The following COL23A1 variants were observed in gnomAD, a reference collection of about 807,000 sequenced individuals.
The protein encoded by COL23A1 is collagen alpha-1(XXIII) chain.
In COL23A1, 97 loss-of-function variants were observed where a neutral mutation model predicts 99.3. The ratio of observed to expected loss-of-function variants is 0.98; its 90% CI spans 0.83 to 1.16. The LOEUF (loss-of-function observed/expected upper bound fraction) is 1.16. Among genes scored for constraint, COL23A1 ranks in the 50% most tolerant of loss-of-function variants. The pLI, the probability that COL23A1 is intolerant of heterozygous loss-of-function variation, is 0.00. For synonymous variants in COL23A1, 320 were observed against 308.2 expected (o/e 1.04, Z -0.40); for missense variants, 762 against 757.4 (o/e 1.01, Z -0.07).
In COL23A1 at chr5:178,535,694, C is replaced by T. The variant is rs142441144; in HGVS notation, c.361+24988G>A. On this transcript the variant is annotated intron_variant, in intron 2 of 28. Coordinates refer to ENST00000390654, the MANE Select transcript of COL23A1 (RefSeq NM_173465.4). ...TGACTCCAGGAGCTGGAGGCAGACCCATCACCCTGCATCCTGTCTGAAGGG... is the reference window on the plus strand; with the variant it reads ...TGACTCCAGGAGCTGGAGGCAGACCTATCACCCTGCATCCTGTCTGAAGGG... Among the ~76,000 whole-genome samples the T allele has an allele frequency of 2.6e-5, 4 of 152,378 alleles. No homozygotes were observed. In the East Asian group the frequency reaches 5.8e-4, roughly 22 times the overall value.
At position 178,544,800 on chromosome 5, in the gene COL23A1, G is replaced by A. The variant is rs1183144726; in HGVS notation, c.361+15882C>T. Reference sequence around the variant, plus strand: ...TTCGGGCCAGACGTGGTGGCTCATAGCTGTAACCCCAGCACTTTGGGAGGC... The same window carrying A: ...TTCGGGCCAGACGTGGTGGCTCATAACTGTAACCCCAGCACTTTGGGAGGC... On this transcript the variant is annotated intron_variant, in intron 2 of 28. Transcript: ENST00000390654. This position sits in a 1 kb window ranked among gnomAD's most constrained non-coding sequence, Gnocchi z 4.4. Among the ~76,000 whole-genome samples the A allele has an allele frequency of 1.3e-5, 2 of 152,206 alleles. No individual in the cohort carries two copies. Among genetic ancestry groups the A allele is most frequent in the Non-Finnish European group, 2.9e-5 (2 of 68,034 alleles).
intron 1 of COL23A1, among the ~76,000 whole-genome samples, chr5:178,576,647 G>C (rs999134256): frequency 2.0e-5 from 3 of 152,178 alleles, no homozygotes; most frequent in African/African-American, 7.2e-5. Context: ...ACAGGCGCGG[G>C]GTCGTGGAGG....
intron 2 of COL23A1, among the ~76,000 whole-genome samples, chr5:178,328,541 C>A (rs980697558): frequency 1.3e-5 from 2 of 152,298 alleles, no homozygotes; most frequent in Admixed American, 1.3e-4. Flanking sequence ...TGAAATGGGT[C>A]TATTCATGGC....
At chr5:178,337,626 G>A (rs1045508349) in intron 2 of COL23A1, among the ~76,000 whole-genome samples, 10 of 152,092 alleles carry the variant, frequency 6.6e-5, no homozygotes, top group South Asian at 4.2e-4. Context: ...TGGGGGAGGC[G>A]CTGTAGAGGG....
chr5:178,391,289 G>A (rs768510898), intron 2 of COL23A1, among the ~76,000 whole-genome samples: 2 of 152,202 alleles, frequency 1.3e-5, no homozygotes, highest in Non-Finnish European at 2.9e-5. Flanking sequence ...AAGATACCGT[G>A]AAGAAAAGGA....
intron 2 of COL23A1, among the ~76,000 whole-genome samples, chr5:178,530,089 G>A (rs1173639444): frequency 6.6e-6 from 1 of 152,194 alleles, no homozygotes; most frequent in East Asian, 1.9e-4. Context: ...TGAAGGAATA[G>A]GAACACTGAA....
intron 2 of COL23A1, among the ~76,000 whole-genome samples, chr5:178,497,620 C>T (rs935420975): frequency 6.6e-6 from 1 of 152,094 alleles, no homozygotes; most frequent in African/African-American, 2.4e-5. Context: ...TTTACAGAAA[C>T]ATGTAATCAC....
chr5:178,271,998 G>C (rs1756315833), intron 5 of COL23A1, among the ~76,000 whole-genome samples: 1 of 152,212 alleles, frequency 6.6e-6, no homozygotes, highest in African/African-American at 2.4e-5. Flanking sequence ...CGCTGGCTGA[G>C]GACGGACTCC....
At chr5:178,498,876 G>A (rs904932243) in intron 2 of COL23A1, among the ~76,000 whole-genome samples, 5 of 151,880 alleles carry the variant, frequency 3.3e-5, no homozygotes, top group Admixed American at 2.6e-4. Flanking sequence ...GATCACCTGA[G>A]GTCAGGAGTT....
chr5:178,364,250 C>T (rs1168994416), intron 2 of COL23A1, among the ~76,000 whole-genome samples: 2 of 152,210 alleles, frequency 1.3e-5, no homozygotes, highest in South Asian at 2.1e-4. Flanking sequence ...GAGAAGAAAG[C>T]TCCACACATG....
At chr5:178,359,554 C>CA (rs1278219597) in intron 2 of COL23A1, among the ~76,000 whole-genome samples, 1 of 152,192 alleles carries the variant, frequency 6.6e-6, no homozygotes, top group African/African-American at 2.4e-5. Flanking sequence ...AAGGGACTGT[C>CA]ATGGCCCCTG....
chr5:178,283,723 A>G (rs1016138589), intron 5 of COL23A1, among the ~76,000 whole-genome samples: 1 of 152,222 alleles, frequency 6.6e-6, no homozygotes, highest in South Asian at 2.1e-4. Flanking sequence ...GAGAAAGTCT[A>G]ATGTTTTCTG....
Position 178,570,716 on chromosome 5 carries a change from T to C in COL23A1, c.295-9968A>G, listed in dbSNP as rs142010579. On this transcript the variant is annotated intron_variant, in intron 1 of 28. Transcript: ENST00000390654. ...TCTTTGAGACAGGCAACAACTGCTC[T>C]AGCTTCCCACCTGGGGAGTGGCCAG... Among the ~76,000 whole-genome samples the C allele has an allele frequency of 1.4e-3, 220 of 152,274 alleles. 1 individual carries two copies. The highest frequency in any genetic ancestry group is 4.8e-3 in the African/African-American group (200 of 41,582).
chr5:178,503,011 C>T (rs1396369916), intron 2 of COL23A1, among the ~76,000 whole-genome samples: 3 of 152,156 alleles, frequency 2.0e-5, no homozygotes, highest in South Asian at 2.1e-4. Flanking sequence ...CAGTCAGGAA[C>T]GTTAGAAAAA....
intron 2 of COL23A1, among the ~76,000 whole-genome samples, chr5:178,331,467 G>C (rs1242616557): frequency 6.6e-6 from 1 of 152,196 alleles, no homozygotes; most frequent in Non-Finnish European, 1.5e-5. Flanking sequence ...TTGTCTTCTG[G>C]ATTGTTGTGA....
chr5:178,538,489 C>G (rs1044530542), intron 2 of COL23A1, among the ~76,000 whole-genome samples: 113 of 152,204 alleles, frequency 7.4e-4, no homozygotes, highest in Non-Finnish European at 7.9e-4. Flanking sequence ...AAAGTTTCCA[C>G]ACATTCTCCA....
chr5:178,339,783 C>T (rs1046697106), intron 2 of COL23A1, among the ~76,000 whole-genome samples: 1 of 152,174 alleles, frequency 6.6e-6, no homozygotes, highest in Non-Finnish European at 1.5e-5. Flanking sequence ...TTCTTGAACT[C>T]AAGGGCTTCT....
At chr5:178,558,442 G>A (rs1762394197) in intron 2 of COL23A1, among the ~76,000 whole-genome samples, 1 of 152,060 alleles carries the variant, frequency 6.6e-6, no homozygotes, top group African/African-American at 2.4e-5. Flanking sequence ...GGACTTTCAA[G>A]CCTTCTGTTA....
At chr5:178,532,788 T>C (rs1357449353) in intron 2 of COL23A1, among the ~76,000 whole-genome samples, 1 of 152,094 alleles carries the variant, frequency 6.6e-6, no homozygotes, top group Non-Finnish European at 1.5e-5. Context: ...ATTTGGGTCA[T>C]TACAAGAAGA....
Sources: allele counts gnomAD v4.1 joint callset (sites outside exome capture counted in the v4.1 genomes callset), GRCh38; gene constraint gnomAD v4.1.1; non-coding constraint Gnocchi (gnomAD v3.1); transcripts MANE v1.5; gene names NCBI Gene and HGNC (gene_info 2026-07-23, HGNC 2026-07-21).